Variants in SYTL3 observed in about 807,000 individuals in gnomAD.
The protein encoded by SYTL3 is synaptotagmin-like protein 3.
Under a neutral mutation model 82.1 loss-of-function variants are expected in SYTL3, and 88 were observed. The observed-to-expected ratio is 1.07, with a 90% CI of 0.90 to 1.28. The LOEUF is 1.28. SYTL3 is among the 50% of genes most tolerant of loss of function. The pLI is 0.00. For synonymous variants in SYTL3, 311 were observed against 289.4 expected (o/e 1.07, Z -0.76); for missense variants, 831 against 757.6 (o/e 1.10, Z -1.14).
At chr6:158,763,128 C>T (rs1291974413) in intron 16 of SYTL3, among the ~76,000 whole-genome samples, 176 bp from the exon 17 acceptor site, 1 of 152,212 alleles carries the variant, frequency 6.6e-6, no homozygotes, top group Non-Finnish European at 1.5e-5. Context: ...ATGCAGAATT[C>T]GGCCCTAAGG....
chr6:158,697,473 A>G (rs1255671440), intron 6 of SYTL3, among the ~76,000 whole-genome samples: 1 of 152,008 alleles, frequency 6.6e-6, no homozygotes, highest in African/African-American at 2.4e-5. Context: ...GATTCACGAC[A>G]TTGGATCTGA....
rs143823029 is a variant in SYTL3 at position 158,672,967 on chromosome 6, C to T, written c.329+7354C>T. Among the ~76,000 whole-genome samples, 758 of 151,954 alleles carry T rather than the reference C, an allele frequency of 5.0e-3. 5 individuals are homozygous for T. Among genetic ancestry groups the T allele is most frequent in the Admixed American group, 7.8e-3 (119 of 15,250 alleles). On this transcript the variant is annotated intron_variant, in intron 5 of 17. Coordinates refer to ENST00000611299, the MANE Select transcript of SYTL3 (RefSeq NM_001242394.2). ...TTTTTTTAGAGACAGGGTGTCACTCCGTCACCCAGGCTAGAGTACAGGGTG... is the reference window on the plus strand; with the variant it reads ...TTTTTTTAGAGACAGGGTGTCACTCTGTCACCCAGGCTAGAGTACAGGGTG...
At chr6:158,675,808 G>A (rs1773599924) in intron 5 of SYTL3, among the ~76,000 whole-genome samples, 1 of 152,098 alleles carries the variant, frequency 6.6e-6, no homozygotes, top group Admixed American at 6.5e-5. Context: ...AAATTAGCCG[G>A]GCGCGGTGGT....
At chr6:158,655,013 G>C (rs1221850560) in intron 2 of SYTL3, among the ~76,000 whole-genome samples, 1 of 152,190 alleles carries the variant, frequency 6.6e-6, no homozygotes, top group Non-Finnish European at 1.5e-5. Context: ...GGTGAGGACG[G>C]TGCCTGACTC....
In SYTL3 at chr6:158,730,719, G is replaced by T. The variant is rs528232894; in HGVS notation, c.855+5082G>T. Among the ~76,000 whole-genome samples, 829 of 152,248 alleles carry T rather than the reference G, an allele frequency of 5.4e-3. 2 individuals are homozygous for T. Among genetic ancestry groups the T allele is most frequent in the Non-Finnish European group, 8.5e-3 (579 of 68,020 alleles). ...TGCATAAGACAAGGAAGGAAATACC[G>T]GAGGAGCTGGTAAAATATTTCCTTG... On this transcript the variant is annotated intron_variant, in intron 11 of 17. Transcript: ENST00000611299.
At chr6:158,677,545 TAAA>T (rs71542927) in intron 5 of SYTL3, among the ~76,000 whole-genome samples, 6 of 146,904 alleles carry the variant, frequency 4.1e-5, no homozygotes, top group Admixed American at 1.4e-4. Flanking sequence ...AAACTTATAA[TAAA>T]AAAAAAATGA....
At position 158,763,348 on chromosome 6, in the gene SYTL3, C is replaced by T. The variant is rs754510896; in HGVS notation, c.1562C>T (p.Pro521Leu). ...PDQQKLRLKS[P>L]VLRKQACPQW... is the part of the protein sequence containing the mutation. ...CAACAAAAACTGAGACTGAAGTCGC[C>T]AGTCCTGAGGAAGCAGGCTTGCCCC... is the stretch of plus-strand genomic sequence containing the variant. Residue 521 changes from proline (P) to leucine (L), a missense_variant, in exon 17 of 18, where the codon CCA (proline) becomes CTA (leucine). Pro to Leu is a moderately conservative substitution (Grantham distance 98, BLOSUM62 -3). Transcript: ENST00000611299. 1.7e-5 allele frequency: 28 copies of T among 1,614,082 alleles called. No individual in the cohort carries two copies. Among genetic ancestry groups the T allele is most frequent in the Non-Finnish European group, 2.2e-5 (26 of 1,180,038 alleles).
At chr6:158,747,828 C>T (rs772264261) in intron 12 of SYTL3, among the ~76,000 whole-genome samples, 2 of 151,984 alleles carry the variant, frequency 1.3e-5, no homozygotes, top group Non-Finnish European at 2.9e-5. Context: ...TATTTATTTA[C>T]CAGAGGCTTT....
At chr6:158,671,458 G>A (rs1777372175) in intron 5 of SYTL3, among the ~76,000 whole-genome samples, 1 of 152,048 alleles carries the variant, frequency 6.6e-6, no homozygotes, top group Non-Finnish European at 1.5e-5. Context: ...AGCATCCAGG[G>A]TTCACACCAA....
chr6:158,690,426 A>G (rs561294402), intron 6 of SYTL3, among the ~76,000 whole-genome samples: 12 of 152,026 alleles, frequency 7.9e-5, no homozygotes, highest in African/African-American at 1.2e-4. Context: ...GAATCATTAC[A>G]CCCTCTGCAC....
intron 11 of SYTL3, among the ~76,000 whole-genome samples, chr6:158,740,584 C>G (rs1442704107): frequency 1.3e-5 from 2 of 152,080 alleles, no homozygotes; most frequent in Non-Finnish European, 2.9e-5. Context: ...CAGGACTCGC[C>G]TGGTTTTGGC....
At chr6:158,710,145 A>G (rs1458573052) in intron 8 of SYTL3, among the ~76,000 whole-genome samples, 1 of 152,242 alleles carries the variant, frequency 6.6e-6, no homozygotes, top group African/African-American at 2.4e-5. Flanking sequence ...ACTCAGATAT[A>G]CTAATGACAG....
At position 158,693,855 on chromosome 6, in the gene SYTL3, C is replaced by CTTTTCTTTTCTTTTT. The variant is rs71030191; in HGVS notation, c.394+10870_394+10871insCTTTTCTTTTTTTTT. On this transcript the variant is annotated intron_variant, in intron 6 of 17. Coordinates refer to ENST00000611299, the MANE Select transcript of SYTL3 (RefSeq NM_001242394.2). ...TGCATCCAGCCTTTCTTTTTCTTTTCTTTTTTTTTTTTTTTTTTGTAGATA... is the reference window on the plus strand; with the variant it reads ...TGCATCCAGCCTTTCTTTTTCTTTTCTTTTCTTTTCTTTTTTTTTTTTTTTTTTTTTTTGTAGATA... 4.7e-4 allele frequency among the ~76,000 whole-genome samples: 46 copies of CTTTTCTTTTCTTTTT among 96,862 alleles called. 5 individuals are homozygous for CTTTTCTTTTCTTTTT. The highest frequency in any genetic ancestry group is 1.9e-3 in the African/African-American group (35 of 18,622). The allele number at this position is 96,862 out of a possible 152,430, so 63.5% of individuals were successfully genotyped here.
intron 2 of SYTL3, among the ~76,000 whole-genome samples, chr6:158,657,098 A>G (rs1788769316): frequency 6.6e-6 from 1 of 152,074 alleles, no homozygotes; most frequent in African/African-American, 2.4e-5. Context: ...AGGCTCATTC[A>G]GTTTACTAAT....
intron 6 of SYTL3, among the ~76,000 whole-genome samples, chr6:158,693,978 C>CCTA (rs2128426987): frequency 6.6e-6 from 1 of 151,246 alleles, no homozygotes; most frequent in South Asian, 2.1e-4. Context: ...TAGGCGTAAG[C>CCTA]CACTGTGCCT....
intron 9 of SYTL3, among the ~76,000 whole-genome samples, chr6:158,717,625 G>C (rs952544661): frequency 6.6e-6 from 1 of 152,118 alleles, no homozygotes; most frequent in Non-Finnish European, 1.5e-5. Context: ...TAATTGTTAT[G>C]AGGACACCCC....
At chr6:158,651,897 T>C (rs879515449) in intron 2 of SYTL3, 55 bp downstream of exon 2, 2 of 151,288 alleles carry the variant, frequency 1.3e-5, no homozygotes, top group Non-Finnish European at 2.9e-5. Context: ...TAATGTTTTA[T>C]TTATTTATTT....
chr6:158,763,274 A>G (rs1790242982), intron 16 of SYTL3, 30 bp from the exon 17 acceptor site: 7 of 1,609,898 alleles, frequency 4.3e-6, no homozygotes, highest in South Asian at 1.1e-5. Flanking sequence ...GTGGATGGCA[A>G]TGATTGCAGG....
intron 11 of SYTL3, among the ~76,000 whole-genome samples, chr6:158,731,637 AG>A (rs1269688579): frequency 6.6e-6 from 1 of 152,176 alleles, no homozygotes; most frequent in Non-Finnish European, 1.5e-5. Flanking sequence ...TCTGTCACCC[AG>A]GCTGGAGTGC....
Sources: gnomAD v4.1 joint callset for allele counts (sites outside exome capture counted in the v4.1 genomes callset) on GRCh38, gnomAD v4.1.1 for gene constraint, MANE v1.5 for transcripts, NCBI Gene and HGNC (gene_info 2026-07-23, HGNC 2026-07-21) for gene names.